Variants in EXT1 observed in about 807,000 individuals in gnomAD.
EXT1 encodes the protein exostosin-1.
Under a neutral mutation model 82.5 loss-of-function variants are expected in EXT1, and 20 were observed. The observed-to-expected ratio is 0.24, with a 90% CI of 0.17 to 0.35. The LOEUF (loss-of-function observed/expected upper bound fraction) is 0.35. Ranked by LOEUF, EXT1 falls within the 10% of genes least tolerant of loss-of-function variation. The pLI, the probability that EXT1 is intolerant of heterozygous loss-of-function variation, is 1.00. For synonymous variants in EXT1, 348 were observed against 350.8 expected, an observed-to-expected ratio of 0.99 and a Z score of 0.09; for missense variants, 757 against 936.5, an observed-to-expected ratio of 0.81 and a Z score of 2.50.
chr8:117,941,493 A>G (rs1814271851), intron 1 of EXT1, among the ~76,000 whole-genome samples: 1 of 152,176 alleles, frequency 6.6e-6, no homozygotes. Flanking sequence ...AACCTGGAAA[A>G]AGGGTAAATT....
chr8:117,807,623 G>A (rs1423783206), intron 8 of EXT1, among the ~76,000 whole-genome samples: 4 of 152,164 alleles, frequency 2.6e-5, no homozygotes, highest in African/African-American at 9.7e-5. Flanking sequence ...AAAATTTGCT[G>A]ATATGCCCTT....
chr8:117,999,972 A>ATATG (rs1554592619), intron 1 of EXT1, among the ~76,000 whole-genome samples: 3 of 148,018 alleles, frequency 2.0e-5, no homozygotes, highest in African/African-American at 7.4e-5. Flanking sequence ...ATATATATAT[A>ATATG]TGTGTGTGTG....
intron 1 of EXT1, among the ~76,000 whole-genome samples, chr8:117,913,733 A>G (rs1328354381): frequency 3.3e-5 from 5 of 152,128 alleles, no homozygotes; most frequent in Non-Finnish European, 7.3e-5. Flanking sequence ...TTCATCAATG[A>G]CTCTATAATA....
At chr8:117,864,528 T>C (rs1586249813) in intron 1 of EXT1, among the ~76,000 whole-genome samples, 1 of 152,172 alleles carries the variant, frequency 6.6e-6, no homozygotes, top group Admixed American at 6.5e-5. Context: ...GGCGGGCGGA[T>C]CACGAGGTCA....
At chr8:117,846,227 A>G (rs1052456220) in intron 1 of EXT1, among the ~76,000 whole-genome samples, 1 of 151,912 alleles carries the variant, frequency 6.6e-6, no homozygotes, top group Non-Finnish European at 1.5e-5. Flanking sequence ...TGTGCCTCAG[A>G]CTCCCAAGTA....
chr8:117,959,886 C>T (rs980014420), intron 1 of EXT1, among the ~76,000 whole-genome samples: 1 of 152,178 alleles, frequency 6.6e-6, no homozygotes, highest in African/African-American at 2.4e-5. Flanking sequence ...ACAGAGTTGT[C>T]ATGAACGTTA....
intron 1 of EXT1, among the ~76,000 whole-genome samples, chr8:118,073,158 T>C (rs1419185985): frequency 1.3e-5 from 2 of 152,238 alleles, no homozygotes; most frequent in Non-Finnish European, 2.9e-5. Flanking sequence ...ATTCACTTAG[T>C]AGCCCATCTA....
At chr8:117,819,889 A>T in intron 5 of EXT1, 95 bp from the exon 6 acceptor site, 1 of 1,143,020 alleles carries the variant, frequency 8.7e-7, no homozygotes, top group Non-Finnish European at 1.3e-6. Flanking sequence ...GCTGGAGCAA[A>T]TGTTCCCTCC....
At position 117,879,982 on chromosome 8, in the gene EXT1, C is replaced by T. The variant is rs1169664615; in HGVS notation, c.963-42781G>A. Among the ~76,000 whole-genome samples, 4 of 152,216 alleles carry T rather than the reference C, an allele frequency of 2.6e-5. No individual in the cohort carries two copies. The East Asian group carries it at 7.7e-4, about 29-fold the overall frequency. On this transcript the variant is annotated intron_variant, in intron 1 of 10. Coordinates refer to ENST00000378204, the MANE Select transcript of EXT1 (RefSeq NM_000127.3). ...CATTAGGGGGAAATAATGAGTAAGC[C>T]TGGACCTTCAGTAAGCCTGAAAATA...
intron 1 of EXT1, among the ~76,000 whole-genome samples, chr8:118,001,004 A>G (rs573928048): frequency 2.6e-4 from 39 of 152,370 alleles, no homozygotes; most frequent in Non-Finnish European, 5.1e-4. Context: ...TTCATTCGAT[A>G]ATAAAAATGC....
rs112969745 is a variant in EXT1 at position 117,880,933 on chromosome 8, C to T, written c.963-43732G>A. On this transcript the variant is annotated intron_variant, in intron 1 of 10. Transcript: ENST00000378204. ...GAACTCTTTTGTTTGTTGGGTTTAT[C>T]GACCTATTAACCTTTTTAGGATTTT... Among the ~76,000 whole-genome samples the T allele has an allele frequency of 2.4e-4, 36 of 152,134 alleles. No individual in the cohort carries two copies. The South Asian group carries it at 3.1e-3, about 13-fold the overall frequency.
intron 7 of EXT1, among the ~76,000 whole-genome samples, chr8:117,816,641 C>A (rs1226567673): frequency 6.6e-6 from 1 of 151,996 alleles, no homozygotes; most frequent in Non-Finnish European, 1.5e-5. Flanking sequence ...TCTGATAAAG[C>A]CCACGAGAAA....
chr8:117,858,133 T>G (rs190263940), intron 1 of EXT1, among the ~76,000 whole-genome samples: 2 of 152,370 alleles, frequency 1.3e-5, no homozygotes, highest in African/African-American at 2.4e-5. Context: ...CTACTCCTGA[T>G]GAAGATGCTT....
chr8:118,041,268 C>T (rs1042063821), intron 1 of EXT1, among the ~76,000 whole-genome samples: 2 of 152,152 alleles, frequency 1.3e-5, no homozygotes, highest in African/African-American at 2.4e-5. Flanking sequence ...TGCAGGGTAA[C>T]GAGTCCAGAC....
At chr8:117,914,339 A>C (rs1356395401) in intron 1 of EXT1, among the ~76,000 whole-genome samples, 1 of 152,208 alleles carries the variant, frequency 6.6e-6, no homozygotes, top group Non-Finnish European at 1.5e-5. Context: ...CACTGTGATA[A>C]TTGTGTTAAC....
chr8:117,927,130 A>G (rs1813967395), intron 1 of EXT1, among the ~76,000 whole-genome samples: 1 of 152,240 alleles, frequency 6.6e-6, no homozygotes, highest in Non-Finnish European at 1.5e-5. Context: ...GCAGAGTTAC[A>G]AACACTGCAA....
At chr8:118,025,463 T>C (rs114551257) in intron 1 of EXT1, among the ~76,000 whole-genome samples, 1 of 152,304 alleles carries the variant, frequency 6.6e-6, no homozygotes, top group African/African-American at 2.4e-5. Context: ...TATCTATTCA[T>C]GCCCCACCGG....
chr8:117,848,182 T>C lies in EXT1; in HGVS notation c.963-10981A>G, dbSNP rs17503621. On this transcript the variant is annotated intron_variant, in intron 1 of 10. Transcript: ENST00000378204. ...TTTCCCGTCTGGGTATGTGAATGCA[T>C]AAATGTAGAGATACATGGGTGTATC... Among the ~76,000 whole-genome samples the C allele has an allele frequency of 7.2e-3, 1,095 of 152,374 alleles. 8 individuals carry two copies. Among genetic ancestry groups the C allele is most frequent in the African/African-American group, 0.024 (983 of 41,594 alleles).
chr8:117,856,088 A>G (rs967009087), intron 1 of EXT1, among the ~76,000 whole-genome samples: 33 of 152,230 alleles, frequency 2.2e-4, no homozygotes, highest in African/African-American at 7.2e-4. Context: ...ATGAATGCAA[A>G]GGAAAAGTTC....
Sources: gnomAD v4.1 joint callset for allele counts (sites outside exome capture counted in the v4.1 genomes callset) on GRCh38, gnomAD v4.1.1 for gene constraint, MANE v1.5 for transcripts, NCBI Gene and HGNC (gene_info 2026-07-23, HGNC 2026-07-21) for gene names.